GABRB2: variants seen among roughly 807,000 people sequenced by gnomAD.
GABRB2 encodes gamma-aminobutyric acid receptor subunit beta-2.
Under a neutral mutation model 54.7 loss-of-function variants are expected in GABRB2, and 16 were observed. The observed-to-expected ratio is 0.29, with a 90% CI of 0.20 to 0.44. The LOEUF is 0.44. Among genes scored for constraint, GABRB2 ranks in the 20% least tolerant of loss-of-function variants. The probability of loss-of-function intolerance (pLI) is 1.00; values close to 1 mark genes in which losing one functional copy is unlikely to be tolerated. For synonymous variants in GABRB2, 244 were observed against 233.8 expected (o/e 1.04, Z -0.40); for missense variants, 355 against 644.0 (o/e 0.55, Z 4.86).
At chr5:161,472,138 AAATGTTTGTTATTATTATT>A (rs1351352824) in intron 3 of GABRB2, among the ~76,000 whole-genome samples, 2 of 151,846 alleles carry the variant, frequency 1.3e-5, no homozygotes, top group South Asian at 2.1e-4. Flanking sequence ...TTAAATCTAC[AAATGTTTGTTATTATTATT>A]AATGTTTGTT....
chr5:161,433,431 C>T (rs1223719170), intron 4 of GABRB2, among the ~76,000 whole-genome samples: 1 of 140,152 alleles, frequency 7.1e-6, no homozygotes, highest in Non-Finnish European at 1.5e-5. Context: ...AAAACCCTGT[C>T]TCTACTAAAA....
intron 4 of GABRB2, among the ~76,000 whole-genome samples, chr5:161,424,344 G>C (rs1378919489): frequency 6.6e-6 from 1 of 152,102 alleles, no homozygotes; most frequent in Admixed American, 6.6e-5. Context: ...AAGCTTGAAA[G>C]GACAGGCTGA....
intron 5 of GABRB2, among the ~76,000 whole-genome samples, chr5:161,367,818 A>G (rs1755012934): frequency 6.6e-6 from 1 of 152,194 alleles, no homozygotes; most frequent in African/African-American, 2.4e-5. Flanking sequence ...TCAAAATACT[A>G]ACACCAGGAA....
chr5:161,352,606 G>A (rs1754508062), intron 5 of GABRB2, among the ~76,000 whole-genome samples: 1 of 152,000 alleles, frequency 6.6e-6, no homozygotes, highest in Non-Finnish European at 1.5e-5. Flanking sequence ...AGTTAGATAG[G>A]AGAGATAAAT....
chr5:161,434,402 CTAAAGA>C (rs1217598480), intron 4 of GABRB2, among the ~76,000 whole-genome samples: 1 of 152,162 alleles, frequency 6.6e-6, no homozygotes, highest in African/African-American at 2.4e-5. Flanking sequence ...ATCCCTTCCC[CTAAAGA>C]TAAAGTCCAG....
rs1221012235 is a variant in GABRB2, at chr5:161,291,145, A to G, written c.*2936T>C. On this transcript the variant is annotated 3_prime_UTR_variant, in exon 10 of 10. Coordinates refer to ENST00000393959, the MANE Select transcript of GABRB2 (RefSeq NM_001371727.1). Reference sequence around the variant, plus strand: ...TAGCGGTCATGTACAATATATATATATACAGATTGAGATCAAAGATTTCAT... The same window carrying G: ...TAGCGGTCATGTACAATATATATATGTACAGATTGAGATCAAAGATTTCAT... 6.6e-6 allele frequency: 1 copy of G among 152,592 alleles called. No homozygotes were observed. The highest frequency in any genetic ancestry group is 1.5e-5 in the Non-Finnish European group (1 of 68,010). The allele number at this position is 152,592 out of a possible 1,614,324, so 9.5% of individuals were successfully genotyped here.
chr5:161,546,587 G>C lies in GABRB2; in HGVS notation c.57C>G (p.Ile19Met). 6.3e-7 allele frequency: 1 copy of C among 1,599,940 alleles called. No homozygotes were observed. The highest frequency in any genetic ancestry group is 8.5e-7 in the Non-Finnish European group (1 of 1,172,580). Residue 19 changes from isoleucine (I) to methionine (M), a missense_variant, in exon 1 of 10, where the codon ATC becomes ATG. Ile to Met is a conservative substitution (Grantham distance 10, BLOSUM62 1). Transcript: ENST00000393959. ...CTTACCTCTGCGCACAGACAGCGGC[G>C]ATTATTAAGGGGAAGGACCAAATCC... is the stretch of plus-strand genomic sequence containing the variant. ...YFGIWSFPLI[I>M]AAVCAQSVND...
chr5:161,313,971 C>T (rs1757950734), intron 9 of GABRB2, among the ~76,000 whole-genome samples: 2 of 152,208 alleles, frequency 1.3e-5, no homozygotes, highest in Admixed American at 6.5e-5. Context: ...GGTGATGTGC[C>T]TCCCAAACTT....
chr5:161,361,324 A>T (rs1215918975), intron 5 of GABRB2, among the ~76,000 whole-genome samples: 1 of 152,130 alleles, frequency 6.6e-6, no homozygotes, highest in Non-Finnish European at 1.5e-5. Context: ...GAATTATTTT[A>T]AATTGTTAAG....
At chr5:161,492,286 GCTT>G (rs1759108418) in intron 3 of GABRB2, among the ~76,000 whole-genome samples, 1 of 151,620 alleles carries the variant, frequency 6.6e-6, no homozygotes, top group African/African-American at 2.4e-5. Context: ...TATCGTTTGT[GCTT>G]CTTCGTCTCT....
chr5:161,319,163 G>C (rs1367061397), intron 9 of GABRB2, among the ~76,000 whole-genome samples: 1 of 148,924 alleles, frequency 6.7e-6, no homozygotes, highest in Admixed American at 6.7e-5. Flanking sequence ...TGGTGATGGC[G>C]GGCATCCATT....
At chr5:161,346,396 A>C (rs1031269591) in intron 5 of GABRB2, among the ~76,000 whole-genome samples, 10 of 152,256 alleles carry the variant, frequency 6.6e-5, no homozygotes, top group African/African-American at 2.4e-4. Context: ...AAAAGTGATA[A>C]TGGAAGATGT....
intron 3 of GABRB2, among the ~76,000 whole-genome samples, chr5:161,517,771 AG>A (rs1759991322): frequency 1.3e-5 from 2 of 152,002 alleles, no homozygotes. Context: ...TCTGGCATGA[AG>A]GAAGGAAGTG....
chr5:161,299,174 G>A (rs568482917), intron 9 of GABRB2, among the ~76,000 whole-genome samples: 28 of 152,302 alleles, frequency 1.8e-4, no homozygotes, highest in Non-Finnish European at 3.2e-4. Context: ...GCACTTGCAA[G>A]TAAAGAGAAT....
At chr5:161,404,770 T>C (rs890945913) in intron 5 of GABRB2, among the ~76,000 whole-genome samples, 6 of 152,142 alleles carry the variant, frequency 3.9e-5, no homozygotes, top group Non-Finnish European at 7.4e-5. Context: ...CTAAACAGCA[T>C]TGCTCTCAGA....
At chr5:161,422,860 G>A (rs1756887750) in intron 4 of GABRB2, among the ~76,000 whole-genome samples, 1 of 152,028 alleles carries the variant, frequency 6.6e-6, no homozygotes, top group Non-Finnish European at 1.5e-5. Context: ...TTTAAATGTT[G>A]GTGGAAATAT....
chr5:161,475,696 T>C (rs143170252), intron 3 of GABRB2, among the ~76,000 whole-genome samples: 3 of 151,882 alleles, frequency 2.0e-5, no homozygotes, highest in African/African-American at 7.2e-5. Context: ...ATTAACAAAA[T>C]TAAGAAAAAA....
At chr5:161,437,292 T>C (rs1757340020) in intron 4 of GABRB2, among the ~76,000 whole-genome samples, 1 of 151,736 alleles carries the variant, frequency 6.6e-6, no homozygotes, top group African/African-American at 2.4e-5. Context: ...GGTCTTGCAT[T>C]ATGAATACCA....
At chr5:161,418,296 G>GACC (rs1756741408) in intron 4 of GABRB2, among the ~76,000 whole-genome samples, 1 of 152,146 alleles carries the variant, frequency 6.6e-6, no homozygotes, top group Non-Finnish European at 1.5e-5. Context: ...GTTCTTTGAT[G>GACC]ACCAACCTTT....
Sources: gnomAD v4.1 joint callset for allele counts (sites outside exome capture counted in the v4.1 genomes callset) on GRCh38, gnomAD v4.1.1 for gene constraint, MANE v1.5 for transcripts, NCBI Gene and HGNC (gene_info 2026-07-23, HGNC 2026-07-21) for gene names.